The following NPAS2 variants were observed in gnomAD, a reference collection of about 807,000 sequenced individuals.
The protein encoded by NPAS2 is neuronal PAS domain-containing protein 2.
NPAS2 carries 23 observed loss-of-function variants against 107.5 expected under a neutral mutation model. The ratio of observed to expected loss-of-function variants is 0.21; its 90% CI spans 0.15 to 0.30. The LOEUF (loss-of-function observed/expected upper bound fraction) is 0.30, where lower values mean the gene tolerates loss of function less well. Among genes scored for constraint, NPAS2 ranks in the 10% least tolerant of loss-of-function variants. NPAS2 has a pLI of 1.00. For synonymous variants in NPAS2, 403 were observed against 417.5 expected, an observed-to-expected ratio of 0.97 and a Z score of 0.42; for missense variants, 756 against 1,043.3, an observed-to-expected ratio of 0.72 and a Z score of 3.79.
intron 2 of NPAS2, among the ~76,000 whole-genome samples, chr2:100,912,587 G>A (rs1453489112): frequency 6.6e-6 from 1 of 152,162 alleles, no homozygotes; most frequent in African/African-American, 2.4e-5. Flanking sequence ...GCTCAAAGAT[G>A]GTGGGTAGAA....
At chr2:100,827,787 T>A (rs1676478019) in intron 1 of NPAS2, among the ~76,000 whole-genome samples, 1 of 152,228 alleles carries the variant, frequency 6.6e-6, no homozygotes, top group Non-Finnish European at 1.5e-5. Flanking sequence ...CAGTTCACTG[T>A]TGATGGGCAT....
chr2:100,834,505 A>T (rs556565905), intron 1 of NPAS2, among the ~76,000 whole-genome samples: 85 of 152,290 alleles, frequency 5.6e-4, no homozygotes, highest in African/African-American at 2.0e-3. Context: ...TTTCAGATAG[A>T]CTGAACGCAC....
chr2:100,933,227 G>C (rs538530751), intron 4 of NPAS2, among the ~76,000 whole-genome samples: 111 of 152,254 alleles, frequency 7.3e-4, no homozygotes, highest in African/African-American at 2.6e-3. Flanking sequence ...AGTGACCACA[G>C]GATGAGCCCC....
rs190362640 is a variant in NPAS2, at chr2:100,864,215, G to A, written c.-22-40518G>A. Among the ~76,000 whole-genome samples the A allele has an allele frequency of 2.3e-3, 351 of 152,292 alleles. 3 individuals are homozygous for A. The highest frequency in any genetic ancestry group is 8.3e-3 in the African/African-American group (343 of 41,542). The stretch of plus-strand genomic sequence containing the variant: ...ATCTTTTCGGCTTGTTGATTTGTAT[G>A]TTGGTTTTGTAGAGGAAGAGTGCTC... On this transcript the variant is annotated intron_variant, in intron 1 of 20. Coordinates refer to ENST00000335681, the MANE Select transcript of NPAS2 (RefSeq NM_002518.4).
At chr2:100,908,801 A>C (rs1046291901) in intron 2 of NPAS2, among the ~76,000 whole-genome samples, 2 of 152,076 alleles carry the variant, frequency 1.3e-5, no homozygotes, top group African/African-American at 4.8e-5. Flanking sequence ...TGAGAGACGG[A>C]GAGTAGAAGG....
At chr2:100,830,254 C>A (rs1028663813) in intron 1 of NPAS2, among the ~76,000 whole-genome samples, 2 of 152,034 alleles carry the variant, frequency 1.3e-5, no homozygotes, top group African/African-American at 4.8e-5. Flanking sequence ...TTTATGAATG[C>A]CTATATTTTT....
intron 17 of NPAS2, chr2:100,989,159 A>C (rs1228354022): frequency 6.5e-6 from 1 of 154,530 alleles, no homozygotes. Context: ...CTGGAGGATA[A>C]CAGATGGGAA....
At chr2:100,925,778 ATTCT>A (rs1683524174) in intron 3 of NPAS2, among the ~76,000 whole-genome samples, 1 of 152,170 alleles carries the variant, frequency 6.6e-6, no homozygotes, top group Non-Finnish European at 1.5e-5. Flanking sequence ...TGTCACATTC[ATTCT>A]GTTTTTATTG....
intron 1 of NPAS2, among the ~76,000 whole-genome samples, chr2:100,902,449 G>A (rs1052607684): frequency 1.3e-5 from 2 of 152,332 alleles, no homozygotes; most frequent in East Asian, 1.9e-4. Flanking sequence ...AGGACATTAC[G>A]CTGTGTGAAA....
chr2:100,911,637 A>ATT (rs538280270), intron 2 of NPAS2, among the ~76,000 whole-genome samples: 1 of 141,590 alleles, frequency 7.1e-6, no homozygotes, highest in African/African-American at 2.6e-5. Flanking sequence ...TTTCCATTCA[A>ATT]TTTTTTTTTT....
rs187247544 is a variant in NPAS2 at position 100,960,405 on chromosome 2, G to A, written c.599-3653G>A. ...TGGTGAAACCCCGTCTCTACTAAAA[G>A]TACAAAAATTAGCCTGGCATTGTGG... On this transcript the variant is annotated intron_variant, in intron 7 of 20. Transcript: ENST00000335681. Among the ~76,000 whole-genome samples the A allele has an allele frequency of 1.4e-3, 208 of 151,796 alleles. 5 individuals carry two copies. In the East Asian group the frequency reaches 0.033, roughly 24 times the overall value.
At chr2:100,889,457 C>A (rs1169068538) in intron 1 of NPAS2, among the ~76,000 whole-genome samples, 1 of 152,188 alleles carries the variant, frequency 6.6e-6, no homozygotes, top group East Asian at 1.9e-4. Flanking sequence ...AGGAGACGAC[C>A]AGTTTTTTTC....
At chr2:100,897,277 C>T (rs1451372696) in intron 1 of NPAS2, among the ~76,000 whole-genome samples, 9 of 152,018 alleles carry the variant, frequency 5.9e-5, no homozygotes, top group East Asian at 1.9e-4. Context: ...CATAGCTGGG[C>T]GAGCCATCGT....
intron 2 of NPAS2, among the ~76,000 whole-genome samples, chr2:100,916,954 TA>T (rs2104843164): frequency 6.6e-6 from 1 of 152,184 alleles, no homozygotes; most frequent in Admixed American, 6.5e-5. Flanking sequence ...TCAAGGATAT[TA>T]GAAAATATTT....
At chr2:100,820,010 C>T (rs1345599583), upstream of NPAS2, 2 of 150,818 alleles carry the variant, frequency 1.3e-5, no homozygotes, top group East Asian at 4.0e-4. The surrounding 1 kb of genome is among the most constrained non-coding windows in gnomAD (Gnocchi z 5.6). Context: ...AGGAGAGACC[C>T]CGCAGGCGGA....
At chr2:100,905,324 G>A (rs984755128) in intron 2 of NPAS2, among the ~76,000 whole-genome samples, 2 of 151,896 alleles carry the variant, frequency 1.3e-5, no homozygotes, top group African/African-American at 4.8e-5. Flanking sequence ...CGCTGTGGTT[G>A]GGTCAACTAA....
At chr2:100,954,664 CAAAAA>C (rs1194534141) in intron 7 of NPAS2, among the ~76,000 whole-genome samples, 6 of 81,392 alleles carry the variant, frequency 7.4e-5, no homozygotes, top group Admixed American at 3.3e-4. Flanking sequence ...AACTGTGTCT[CAAAAA>C]AAAAAAAAAA....
Position 100,876,211 on chromosome 2 carries a change from C to T in NPAS2, c.-22-28522C>T, listed in dbSNP as rs146132824. On this transcript the variant is annotated intron_variant, in intron 1 of 20. Transcript: ENST00000335681. ...TGGTATTTGTAGTGACACCTGGGAGCCACAGATTTGCTTAGCAACCTTTCT... is the reference window on the plus strand; with the variant it reads ...TGGTATTTGTAGTGACACCTGGGAGTCACAGATTTGCTTAGCAACCTTTCT... Among the ~76,000 whole-genome samples, 223 of 152,300 alleles carry T rather than the reference C, an allele frequency of 1.5e-3. 1 individual carries two copies. Among genetic ancestry groups the T allele is most frequent in the African/African-American group, 5.2e-3 (216 of 41,560 alleles).
intron 15 of NPAS2, among the ~76,000 whole-genome samples, chr2:100,980,325 G>T (rs1354721339): frequency 6.6e-6 from 1 of 152,168 alleles, no homozygotes; most frequent in Admixed American, 6.5e-5. Flanking sequence ...TTTGTGTTTC[G>T]TTAAATACTT....
Sources: gnomAD v4.1 joint callset for allele counts (sites outside exome capture counted in the v4.1 genomes callset) on GRCh38, gnomAD v4.1.1 for gene constraint, Gnocchi (gnomAD v3.1) non-coding constraint, MANE v1.5 for transcripts, NCBI Gene and HGNC (gene_info 2026-07-23, HGNC 2026-07-21) for gene names.